ZFPM2: variants seen among roughly 807,000 people sequenced by gnomAD.
The protein encoded by ZFPM2 is zinc finger protein, FOG family member 2, also known as zinc finger protein ZFPM2.
A neutral mutation model predicts 98.6 loss-of-function variants in ZFPM2; 20 were observed. The observed-to-expected ratio is 0.20, with a 90% CI of 0.14 to 0.29. The LOEUF (loss-of-function observed/expected upper bound fraction) is 0.29. ZFPM2 is among the 10% of genes least tolerant of loss of function. The pLI, the probability that ZFPM2 is intolerant of heterozygous loss-of-function variation, is 1.00. For synonymous variants in ZFPM2, 518 were observed against 502.7 expected (o/e 1.03, Z -0.41); for missense variants, 1,310 against 1,388.6 (o/e 0.94, Z 0.90).
At chr8:105,742,598 A>G (rs963838310) in intron 5 of ZFPM2, among the ~76,000 whole-genome samples, 5 of 151,970 alleles carry the variant, frequency 3.3e-5, no homozygotes, top group East Asian at 2.0e-4. Flanking sequence ...GGGAGTTCAA[A>G]TGATCATCCA....
intron 1 of ZFPM2, among the ~76,000 whole-genome samples, chr8:105,360,568 A>C (rs1234007889): frequency 6.6e-6 from 1 of 151,766 alleles, no homozygotes; most frequent in Non-Finnish European, 1.5e-5. Flanking sequence ...GGTGCGCTGC[A>C]CCCACTAACT....
At chr8:105,601,621 T>G (rs1045114838) in intron 4 of ZFPM2, among the ~76,000 whole-genome samples, 1 of 152,084 alleles carries the variant, frequency 6.6e-6, no homozygotes, top group Non-Finnish European at 1.5e-5. Context: ...CCCCTCTCTG[T>G]CTTTTGTTCC....
intron 2 of ZFPM2, among the ~76,000 whole-genome samples, chr8:105,443,804 C>T (rs1812314258): frequency 6.6e-6 from 1 of 152,084 alleles, no homozygotes; most frequent in Non-Finnish European, 1.5e-5. Context: ...CCAGTCTTAG[C>T]GAGCATAAAG....
At chr8:105,516,169 G>C (rs536836270) in intron 3 of ZFPM2, among the ~76,000 whole-genome samples, 7 of 152,010 alleles carry the variant, frequency 4.6e-5, no homozygotes, top group African/African-American at 1.7e-4. Context: ...CAGGTGATCC[G>C]CCTGCCTCGG....
At chr8:105,383,181 C>A (rs1417265201) in intron 1 of ZFPM2, among the ~76,000 whole-genome samples, 1 of 152,044 alleles carries the variant, frequency 6.6e-6, no homozygotes, top group Admixed American at 6.6e-5. Context: ...GCTGTATGGT[C>A]ATCAATATAT....
chr8:105,388,405 A>G (rs1353164221), intron 1 of ZFPM2, among the ~76,000 whole-genome samples: 2 of 152,228 alleles, frequency 1.3e-5, no homozygotes, highest in Non-Finnish European at 2.9e-5. Flanking sequence ...GAGACATGAT[A>G]ATAAAAATGA....
intron 3 of ZFPM2, among the ~76,000 whole-genome samples, chr8:105,551,113 T>G (rs776284511): frequency 6.6e-6 from 1 of 152,200 alleles, no homozygotes; most frequent in Admixed American, 6.5e-5. Flanking sequence ...AATTATAGCC[T>G]ATAAGTGAGA....
chr8:105,617,971 T>C (rs1046254325), intron 4 of ZFPM2, among the ~76,000 whole-genome samples: 3 of 152,188 alleles, frequency 2.0e-5, no homozygotes, highest in African/African-American at 7.2e-5. Flanking sequence ...ATGTCTGATA[T>C]TGATATTTAG....
intron 4 of ZFPM2, among the ~76,000 whole-genome samples, chr8:105,571,855 G>A (rs1815361287): frequency 2.6e-5 from 4 of 151,982 alleles, no homozygotes; most frequent in Admixed American, 2.6e-4. Flanking sequence ...ATATTCCCAG[G>A]ATGGGATTCA....
chr8:105,757,579 A>C (rs1812632526), intron 5 of ZFPM2, among the ~76,000 whole-genome samples: 1 of 152,158 alleles, frequency 6.6e-6, no homozygotes, highest in Admixed American at 6.5e-5. Flanking sequence ...ATTTGCAAAC[A>C]CTTTGGCTAT....
At chr8:105,696,103 C>A (rs1467915132) in intron 5 of ZFPM2, among the ~76,000 whole-genome samples, 6 of 152,154 alleles carry the variant, frequency 3.9e-5, no homozygotes, top group African/African-American at 9.7e-5. Context: ...TAACAGTAGG[C>A]ACACATGGAT....
At chr8:105,369,579 G>C (rs1475356432) in intron 1 of ZFPM2, among the ~76,000 whole-genome samples, 1 of 152,012 alleles carries the variant, frequency 6.6e-6, no homozygotes, top group Non-Finnish European at 1.5e-5. Context: ...ATTAGACGTA[G>C]GATTCAGTTA....
chr8:105,778,204 G>A (rs902507581), intron 5 of ZFPM2, among the ~76,000 whole-genome samples: 2 of 152,090 alleles, frequency 1.3e-5, no homozygotes, highest in African/African-American at 4.8e-5. Context: ...ATGTGGTTAC[G>A]TATAGATATA....
chr8:105,327,386 T>C (rs938890888), intron 1 of ZFPM2, among the ~76,000 whole-genome samples: 6 of 151,762 alleles, frequency 4.0e-5, no homozygotes, highest in Non-Finnish European at 5.9e-5. Context: ...TTTTAATTTC[T>C]GTATTAATTA....
intron 3 of ZFPM2, 132 bp downstream of exon 3, chr8:105,444,513 A>G (rs868338643): frequency 1.4e-5 from 7 of 501,724 alleles, no homozygotes; most frequent in African/African-American, 1.2e-4. Context: ...GTTTAAATAA[A>G]GATTATTATT....
chr8:105,653,273 C>CA (rs957098432), intron 5 of ZFPM2, among the ~76,000 whole-genome samples: 13 of 150,500 alleles, frequency 8.6e-5, no homozygotes, highest in South Asian at 2.1e-4. Flanking sequence ...CAAACTGATA[C>CA]AAAAAAAAAG....
intron 4 of ZFPM2, among the ~76,000 whole-genome samples, chr8:105,605,652 C>T (rs1816182760): frequency 1.3e-5 from 2 of 151,982 alleles, no homozygotes; most frequent in Admixed American, 1.3e-4. Context: ...CATTTTTTAT[C>T]TAATGAGAGT....
At chr8:105,697,291 A>G (rs2130950254) in intron 5 of ZFPM2, among the ~76,000 whole-genome samples, 1 of 152,330 alleles carries the variant, frequency 6.6e-6, no homozygotes, top group African/African-American at 2.4e-5. Context: ...GATTACTTCC[A>G]ATGTTTGGTA....
chr8:105,475,212 A>T, intron 3 of ZFPM2, among the ~76,000 whole-genome samples: 1 of 152,212 alleles, frequency 6.6e-6, no homozygotes, highest in East Asian at 1.9e-4. Context: ...GAGCGTAATC[A>T]TTTTAATTCT....
Sources: gnomAD v4.1 joint callset for allele counts (sites outside exome capture counted in the v4.1 genomes callset) on GRCh38, gnomAD v4.1.1 for gene constraint, MANE v1.5 for transcripts, NCBI Gene and HGNC (gene_info 2026-07-23, HGNC 2026-07-21) for gene names.